ERCC6L2: variants seen among roughly 807,000 people sequenced by gnomAD.
ERCC6L2 encodes the protein DNA excision repair protein ERCC-6-like 2.
In ERCC6L2, 77 loss-of-function variants were observed where a neutral mutation model predicts 132.0. The observed-to-expected ratio is 0.58, with a 90% CI of 0.49 to 0.71. ERCC6L2 has a LOEUF of 0.71. Among genes scored for constraint, ERCC6L2 ranks in the 30% least tolerant of loss-of-function variants. The pLI is 0.00. For missense variants in ERCC6L2, 1,542 were observed against 1,837.6 expected (o/e 0.84, Z 2.94); for synonymous variants, 583 against 632.4 (o/e 0.92, Z 1.17).
At chr9:95,896,110 T>C (rs1428133138) in intron 2 of ERCC6L2, among the ~76,000 whole-genome samples, 1 of 152,204 alleles carries the variant, frequency 6.6e-6, no homozygotes, top group Non-Finnish European at 1.5e-5. Flanking sequence ...CCATTTTTGT[T>C]GCTCTTTATC....
At chr9:95,984,539 G>A (rs1833020922) in intron 17 of ERCC6L2, among the ~76,000 whole-genome samples, 1 of 151,748 alleles carries the variant, frequency 6.6e-6, no homozygotes, top group Non-Finnish European at 1.5e-5. Flanking sequence ...GACATAAGAA[G>A]CCTTCCTCTT....
At chr9:96,035,847 G>A (rs1588070569) in intron 19 of ERCC6L2, among the ~76,000 whole-genome samples, 1 of 152,196 alleles carries the variant, frequency 6.6e-6, no homozygotes, top group Non-Finnish European at 1.5e-5. Flanking sequence ...GGAGGTGGGA[G>A]AGTGGAGCAG....
intron 11 of ERCC6L2, among the ~76,000 whole-genome samples, chr9:95,938,068 A>T (rs1830635790): frequency 6.7e-6 from 1 of 148,516 alleles, no homozygotes; most frequent in Non-Finnish European, 1.5e-5. Context: ...TGGATTTCAG[A>T]TTTTGTTTGA....
At chr9:96,002,456 C>T (rs568789167) in intron 17 of ERCC6L2, among the ~76,000 whole-genome samples, 1 of 151,574 alleles carries the variant, frequency 6.6e-6, no homozygotes, top group East Asian at 1.9e-4. Context: ...AGATCTGGCC[C>T]TGTCACCCAG....
At chr9:95,986,497 CTTT>C (rs57381408) in intron 17 of ERCC6L2, among the ~76,000 whole-genome samples, 20 of 116,190 alleles carry the variant, frequency 1.7e-4, no homozygotes, top group Admixed American at 2.7e-4. Context: ...TATCTCTCTC[CTTT>C]TTTTTTTTTT....
intron 13 of ERCC6L2, among the ~76,000 whole-genome samples, chr9:95,958,840 A>G (rs1421275827): frequency 6.6e-6 from 1 of 152,120 alleles, no homozygotes; most frequent in Non-Finnish European, 1.5e-5. Context: ...GGACCTCTTC[A>G]AGGAGAACTG....
At position 96,015,247 on chromosome 9, in the gene ERCC6L2, C is replaced by T. The variant is rs1287169015; in HGVS notation, c.*2044C>T. 6.6e-6 allele frequency among the ~76,000 whole-genome samples: 1 copy of T among 150,508 alleles called. No homozygotes were observed. Among genetic ancestry groups the T allele is most frequent in the African/African-American group, 2.4e-5 (1 of 40,908 alleles). On this transcript the variant is annotated 3_prime_UTR_variant, in exon 19 of 19. Coordinates refer to ENST00000653738, the MANE Select transcript of ERCC6L2 (RefSeq NM_020207.7). Reference sequence around the variant, plus strand: ...CTGTCGCCAGGCTGGAGTGCAGTGGCTCGATCTTGGCTCACTGCAGCCTCC... The same window carrying T: ...CTGTCGCCAGGCTGGAGTGCAGTGGTTCGATCTTGGCTCACTGCAGCCTCC...
downstream of ERCC6L2, chr9:96,019,907 T>A (rs188454699): frequency 6.6e-6 from 1 of 152,288 alleles, no homozygotes; most frequent in East Asian, 1.9e-4. Flanking sequence ...TCAGATCGGC[T>A]GGGCACAGTG....
chr9:95,963,364 T>C (rs919799236), intron 13 of ERCC6L2, among the ~76,000 whole-genome samples: 31 of 152,050 alleles, frequency 2.0e-4, no homozygotes, highest in African/African-American at 6.3e-4. Context: ...TTCTCATCAG[T>C]ATGTATTTCC....
intron 1 of ERCC6L2, among the ~76,000 whole-genome samples, chr9:95,880,315 G>A (rs1439274639): frequency 3.9e-5 from 6 of 152,162 alleles, no homozygotes; most frequent in Admixed American, 6.5e-5. Context: ...AAAGGCAATG[G>A]AATAACTGTA....
chr9:95,941,377 C>T, intron 11 of ERCC6L2, 77 bp from the exon 12 acceptor site: 1 of 1,035,668 alleles, frequency 9.7e-7, no homozygotes. Flanking sequence ...GCTATAGAAA[C>T]CTGGCACAGT....
In ERCC6L2 at chr9:96,015,313, G is replaced by A. The variant is rs1834162334; in HGVS notation, c.*2110G>A. ...CAATTCTCCTGCCTCAGCCTCCCGA[G>A]TAGCTGGGACTACAGGTGCGTGCCA... On this transcript the variant is annotated 3_prime_UTR_variant, in exon 19 of 19. Transcript: ENST00000653738. Among the ~76,000 whole-genome samples the A allele has an allele frequency of 6.6e-6, 1 of 151,506 alleles. No homozygotes were observed. Among genetic ancestry groups the A allele is most frequent in the Non-Finnish European group, 1.5e-5 (1 of 67,926 alleles).
intron 19 of ERCC6L2, among the ~76,000 whole-genome samples, chr9:96,034,493 G>A (rs913133007): frequency 2.0e-5 from 3 of 152,220 alleles, no homozygotes; most frequent in African/African-American, 7.2e-5. Context: ...GGTGTGGAAT[G>A]ACCTGTGATA....
At chr9:96,026,588 G>C (rs921626144) in intron 19 of ERCC6L2, among the ~76,000 whole-genome samples, 4 of 150,948 alleles carry the variant, frequency 2.6e-5, no homozygotes, top group Admixed American at 2.6e-4. Context: ...CATACACACC[G>C]CACCACACAC....
intron 4 of ERCC6L2, among the ~76,000 whole-genome samples, chr9:95,914,291 A>G (rs1334293019): frequency 6.6e-6 from 1 of 152,128 alleles, no homozygotes; most frequent in Non-Finnish European, 1.5e-5. Flanking sequence ...TCAGATAGAC[A>G]TTTGGTGTCT....
chr9:95,974,825 GTGA>G (rs1264309276), intron 16 of ERCC6L2, among the ~76,000 whole-genome samples: 7 of 151,990 alleles, frequency 4.6e-5, no homozygotes, highest in Non-Finnish European at 1.0e-4. Flanking sequence ...GTACACATAT[GTGA>G]TGATAAAATA....
In ERCC6L2 at chr9:95,921,290, A is replaced by G. The variant is rs2132740967; in HGVS notation, c.1274A>G (p.Gln425Arg). The change falls in exon 7 of 19, where the codon CAA becomes CGA. Residue 425 changes from glutamine (Q) to arginine (R), a missense_variant. Gln to Arg is a conservative substitution (Grantham distance 43, BLOSUM62 1). Around this residue, in one of 4 missense-constraint regions of ERCC6L2, gnomAD observed 945 missense variants for 1,105.2 expected, o/e 0.86. Transcript: ENST00000653738. Reference sequence around the variant, plus strand: ...GAGCCTTGTACCTGTAGGAGTGGCCAAAAAAGGAGAAATTGTTGTTATAAG... The same window carrying G: ...GAGCCTTGTACCTGTAGGAGTGGCCGAAAAAGGAGAAATTGTTGTTATAAG... ...SSEPCTCRSGQKRRNCCYKTN... is the reference protein window; with the variant it reads ...SSEPCTCRSGRKRRNCCYKTN... 1 of 1,610,634 alleles carries G rather than the reference A, an allele frequency of 6.2e-7. No homozygotes were observed. Among genetic ancestry groups the G allele is most frequent in the Non-Finnish European group, 8.5e-7 (1 of 1,178,422 alleles).
At chr9:95,911,662 T>C (rs1360278383) in intron 4 of ERCC6L2, among the ~76,000 whole-genome samples, 1 of 152,194 alleles carries the variant, frequency 6.6e-6, no homozygotes, top group African/African-American at 2.4e-5. Context: ...TAGTGCTCTG[T>C]GCATTTATCA....
chr9:95,895,348 G>A (rs1481554869), intron 2 of ERCC6L2, among the ~76,000 whole-genome samples: 1 of 151,976 alleles, frequency 6.6e-6, no homozygotes, highest in Non-Finnish European at 1.5e-5. Context: ...TAAATGACAA[G>A]GAAATATATT....
Sources: allele counts gnomAD v4.1 joint callset (sites outside exome capture counted in the v4.1 genomes callset), GRCh38; gene constraint gnomAD v4.1.1; regional missense constraint gnomAD v4.1.1; transcripts MANE v1.5; gene names NCBI Gene and HGNC (gene_info 2026-07-23, HGNC 2026-07-21).